The following IL17RD variants were observed in gnomAD, a reference collection of about 807,000 sequenced individuals.
IL17RD encodes interleukin-17 receptor D.
IL17RD carries 52 observed loss-of-function variants against 80.5 expected under a neutral mutation model. The ratio of observed to expected loss-of-function variants is 0.65; its 90% CI spans 0.52 to 0.81. The LOEUF (loss-of-function observed/expected upper bound fraction) is 0.81. IL17RD is among the 40% of genes least tolerant of loss of function. The pLI, the probability that IL17RD is intolerant of heterozygous loss-of-function variation, is 0.00. For synonymous variants in IL17RD, 416 were observed against 391.8 expected (o/e 1.06, Z -0.73); for missense variants, 1,024 against 955.1 (o/e 1.07, Z -0.95).
rs1706855655 is a variant in IL17RD, at chr3:57,102,476, T to C, written c.979+3A>G. ...TGGGGAGACACAGCACACAAAGAGA[T>C]ACCTTGTTGCTTCTTGCGGCACATC... On this transcript the variant is annotated splice_donor_region_variant and intron_variant, in intron 10 of 12. Coordinates refer to ENST00000296318, the MANE Select transcript of IL17RD (RefSeq NM_017563.5). 7 of 1,513,358 alleles carry C rather than the reference T, an allele frequency of 4.6e-6. No individual in the cohort carries two copies. Among genetic ancestry groups the C allele is most frequent in the African/African-American group, 1.4e-5 (1 of 72,836 alleles). 93.7% of individuals were successfully genotyped at this position (1,513,358 alleles called of 1,614,324 possible). A position where few individuals can be genotyped will look rare whatever the true frequency, so the allele number is the denominator to read the frequency against.
intron 1 of IL17RD, among the ~76,000 whole-genome samples, chr3:57,143,697 C>T (rs1707873328): frequency 6.6e-6 from 1 of 152,184 alleles, no homozygotes; most frequent in African/African-American, 2.4e-5. Context: ...GTAATCCTGC[C>T]CTTCTTCATA....
At chr3:57,106,501 T>C (rs142401876) in intron 5 of IL17RD, among the ~76,000 whole-genome samples, 134 of 152,340 alleles carry the variant, frequency 8.8e-4, no homozygotes, top group African/African-American at 3.2e-3. Context: ...CTGTTTCAGC[T>C]GTAAACAGAA....
chr3:57,142,511 C>T, intron 1 of IL17RD: 1 of 1,287,860 alleles, frequency 7.8e-7, no homozygotes, highest in Non-Finnish European at 1.0e-6. Context: ...TGGCATCCCT[C>T]CCCCTCCAAC....
At chr3:57,123,539 C>G (rs1419502283) in intron 1 of IL17RD, among the ~76,000 whole-genome samples, 1 of 152,216 alleles carries the variant, frequency 6.6e-6, no homozygotes, top group African/African-American at 2.4e-5. Context: ...GTGTTCCTGA[C>G]ACATCGGTCT....
In IL17RD at chr3:57,093,618, C is replaced by T. The variant is rs567658061; in HGVS notation, c.*2775G>A. 1 of 152,350 alleles carries T rather than the reference C, an allele frequency of 6.6e-6. No homozygotes were observed. The highest frequency in any genetic ancestry group is 1.5e-5 in the Non-Finnish European group (1 of 68,048). 9.4% of individuals were successfully genotyped at this position (152,350 alleles called of 1,614,324 possible). A position where few individuals can be genotyped will look rare whatever the true frequency, so the allele number is the denominator to read the frequency against. On this transcript the variant is annotated 3_prime_UTR_variant, in exon 13 of 13. Transcript: ENST00000296318. ...CACCATCTGAATACCTGGGCCTGGA[C>T]TGGAATGACTTCTGACTCTTTCTGG... is the stretch of plus-strand genomic sequence containing the variant.
At chr3:57,169,339 C>A, upstream of IL17RD, 2 of 474,404 alleles carry the variant, frequency 4.2e-6, no homozygotes, top group East Asian at 6.2e-5. Context: ...AGCACTCTGT[C>A]TGGCACGCTT....
At chr3:57,121,058 G>C (rs949975028) in intron 1 of IL17RD, among the ~76,000 whole-genome samples, 4 of 152,156 alleles carry the variant, frequency 2.6e-5, no homozygotes, top group Admixed American at 2.6e-4. Context: ...TATGCATCAT[G>C]AGAAAGAGCA....
At position 57,137,619 on chromosome 3, in the gene IL17RD, C is replaced by T. The variant is rs550833218; in HGVS notation, c.127-17306G>A. On this transcript the variant is annotated intron_variant, in intron 1 of 12. Coordinates refer to ENST00000296318, the MANE Select transcript of IL17RD (RefSeq NM_017563.5). Reference sequence around the variant, plus strand: ...GAGCTGGGGTCTCAAAACACATATCCATTTCAAGATGGAAATTGATTCCCT... The same window carrying T: ...GAGCTGGGGTCTCAAAACACATATCTATTTCAAGATGGAAATTGATTCCCT... Among the ~76,000 whole-genome samples the T allele has an allele frequency of 7.9e-5, 12 of 152,282 alleles. No homozygotes were observed. The East Asian group carries it at 2.1e-3, about 27-fold the overall frequency.
intron 1 of IL17RD, among the ~76,000 whole-genome samples, chr3:57,127,775 T>C (rs1299809226): frequency 6.6e-6 from 1 of 152,120 alleles, no homozygotes; most frequent in African/African-American, 2.4e-5. Context: ...GACAGTGCTG[T>C]GAGGCTTAAA....
upstream of IL17RD, among the ~76,000 whole-genome samples, chr3:57,168,460 A>C (rs2060356711): frequency 6.6e-6 from 1 of 152,166 alleles, no homozygotes; most frequent in African/African-American, 2.4e-5. Context: ...GAAAAGCCTT[A>C]AGCGTCCAGT....
chr3:57,136,592 G>C (rs1707731943), intron 1 of IL17RD, among the ~76,000 whole-genome samples: 3 of 134,132 alleles, frequency 2.2e-5, no homozygotes, highest in African/African-American at 8.4e-5. Flanking sequence ...TCCAGCCTGG[G>C]AAACAGAGCA....
Position 57,114,693 on chromosome 3 carries a change from G to C in IL17RD, c.309C>G (p.Leu103=), listed in dbSNP as rs756206627. 4 of 1,605,988 alleles carry C rather than the reference G, an allele frequency of 2.5e-6. No homozygotes were observed. The highest frequency in any genetic ancestry group is 3.4e-6 in the Non-Finnish European group (4 of 1,177,094). Residue 103 remains leucine, a splice_region_variant and synonymous_variant, in exon 3 of 13, where the codon CTC becomes CTG. Coordinates refer to ENST00000296318, the MANE Select transcript of IL17RD (RefSeq NM_017563.5). ...TGCACTCGATTTTTGACCACTCACC[G>C]AGGGCCCCTGGGGACCAAAGAATGG... ...AVTILWSPGA[L]GIEFLKGFRV...
intron 3 of IL17RD, among the ~76,000 whole-genome samples, chr3:57,114,483 C>T (rs1400546679): frequency 6.6e-6 from 1 of 152,214 alleles, no homozygotes; most frequent in Non-Finnish European, 1.5e-5. Context: ...ATAACAATAA[C>T]AGTAGAAGAA....
intron 1 of IL17RD, among the ~76,000 whole-genome samples, chr3:57,127,279 T>TAA (rs1559476891): frequency 1.2e-5 from 1 of 84,312 alleles, no homozygotes; most frequent in Non-Finnish European, 2.1e-5. Context: ...TATAAAAATA[T>TAA]ATATAAATAT....
At chr3:57,156,791 A>G (rs2060270232) in intron 1 of IL17RD, among the ~76,000 whole-genome samples, 1 of 150,614 alleles carries the variant, frequency 6.6e-6, no homozygotes, top group Non-Finnish European at 1.5e-5. Context: ...CCGACCAATG[A>G]GCCCCCTTCT....
rs1023023985 is a variant in IL17RD at position 57,097,948 on chromosome 3, G to A, written c.1755C>T (p.Gly585=). The A allele has an allele frequency of 6.2e-7, 1 of 1,614,026 alleles. No homozygotes were observed. ...TGCACATGACATCATTTAAAACCAAGCCCGAATCAAATTTCTCCAAGACTG... is the reference window on the plus strand; with the variant it reads ...TGCACATGACATCATTTAAAACCAAACCCGAATCAAATTTCTCCAAGACTG... ...REPVLEKFDS[G]LVLNDVMCKP... Residue 585 remains glycine (G), a synonymous_variant, in exon 12 of 13, where the codon GGC becomes GGT. Coordinates refer to ENST00000296318, the MANE Select transcript of IL17RD (RefSeq NM_017563.5).
intron 5 of IL17RD, among the ~76,000 whole-genome samples, chr3:57,109,232 T>A (rs1707036121): frequency 1.3e-5 from 2 of 152,138 alleles, no homozygotes. Context: ...CACTGAAACC[T>A]CTGTCTCCCA....
intron 3 of IL17RD, among the ~76,000 whole-genome samples, chr3:57,112,357 G>A (rs1033279660): frequency 1.3e-5 from 2 of 152,182 alleles, no homozygotes; most frequent in South Asian, 2.1e-4. Context: ...GGTGAGATTC[G>A]AACCCAGGAA....
At chr3:57,106,289 G>A (rs1706964474) in intron 5 of IL17RD, 135 bp from the exon 6 acceptor site, 2 of 644,588 alleles carry the variant, frequency 3.1e-6, no homozygotes, top group Admixed American at 2.7e-5. Context: ...AATTCAATGA[G>A]GATTTTCACT....
Sources: allele counts gnomAD v4.1 joint callset (sites outside exome capture counted in the v4.1 genomes callset), GRCh38; gene constraint gnomAD v4.1.1; transcripts MANE v1.5; gene names NCBI Gene and HGNC (gene_info 2026-07-23, HGNC 2026-07-21).